Variants in NALF1 observed in about 807,000 individuals in gnomAD.
NALF1 encodes the protein family with sequence similarity 155 member A.
In NALF1, 3 loss-of-function variants were observed where a neutral mutation model predicts 48.4. The observed-to-expected ratio is 0.06, with a 90% confidence interval of 0.03 to 0.16. NALF1 has a LOEUF of 0.16. NALF1 is among the 10% of genes least tolerant of loss of function. The probability of loss-of-function intolerance (pLI) is 1.00; values close to 1 mark genes in which losing one functional copy is unlikely to be tolerated. For synonymous variants in NALF1, 262 were observed against 245.7 expected, an observed-to-expected ratio of 1.07 and a Z score of -0.62; for missense variants, 526 against 571.5, an observed-to-expected ratio of 0.92 and a Z score of 0.81.
intron 1 of NALF1, among the ~76,000 whole-genome samples, chr13:107,680,844 GT>G (rs1227676457): frequency 5.3e-4 from 80 of 150,586 alleles, no homozygotes; most frequent in South Asian, 3.7e-3. Context: ...GCATGAGAGT[GT>G]AAGAGTATGT....
intron 1 of NALF1, among the ~76,000 whole-genome samples, chr13:107,799,088 C>T (rs1409798056): frequency 6.6e-6 from 1 of 152,168 alleles, no homozygotes; most frequent in Non-Finnish European, 1.5e-5. Context: ...TTCCCCAAAG[C>T]CTCTGCCCTT....
intron 1 of NALF1, among the ~76,000 whole-genome samples, chr13:107,229,108 C>T (rs1436286910): frequency 6.6e-6 from 1 of 151,978 alleles, no homozygotes; most frequent in Non-Finnish European, 1.5e-5. Flanking sequence ...TAGCTTCCAG[C>T]GTAATAATAC....
Position 107,555,929 on chromosome 13 carries a change from C to T in NALF1, c.915+309753G>A, listed in dbSNP as rs562346028. On this transcript the variant is annotated intron_variant, in intron 1 of 2. Coordinates refer to ENST00000375915, the MANE Select transcript of NALF1 (RefSeq NM_001080396.3). ...AATATTGTTGAAATCAAACTAAGAGCCTTAATCTTAAGTAAGTAAAATAAC... is the reference window on the plus strand; with the variant it reads ...AATATTGTTGAAATCAAACTAAGAGTCTTAATCTTAAGTAAGTAAAATAAC... Among the ~76,000 whole-genome samples, 7 of 151,806 alleles carry T rather than the reference C, an allele frequency of 4.6e-5. No homozygotes were observed. In the East Asian group the frequency reaches 1.4e-3, roughly 29 times the overall value.
intron 1 of NALF1, among the ~76,000 whole-genome samples, chr13:107,415,337 T>C (rs185240032): frequency 6.6e-6 from 1 of 151,890 alleles, no homozygotes; most frequent in Non-Finnish European, 1.5e-5. Flanking sequence ...CACCTCAAAA[T>C]GCTCAGCATC....
chr13:107,782,528 T>G (rs895407226), intron 1 of NALF1, among the ~76,000 whole-genome samples: 5 of 148,006 alleles, frequency 3.4e-5, no homozygotes, highest in East Asian at 2.1e-4. Flanking sequence ...TTTGGGATGT[T>G]AGGAGCCCCT....
At chr13:107,788,617 A>C (rs1004363439) in intron 1 of NALF1, 8 of 152,204 alleles carry the variant, frequency 5.3e-5, no homozygotes, top group African/African-American at 1.9e-4. Context: ...CTTGGAATCT[A>C]CCGGCACATG....
chr13:107,782,923 G>A (rs1877947193), intron 1 of NALF1, among the ~76,000 whole-genome samples: 1 of 151,076 alleles, frequency 6.6e-6, no homozygotes, highest in Non-Finnish European at 1.5e-5. Flanking sequence ...GAGGGAGGTG[G>A]GGGTCACCCC....
chr13:107,818,764 C>T (rs1006968706), intron 1 of NALF1, among the ~76,000 whole-genome samples: 9 of 138,308 alleles, frequency 6.5e-5, no homozygotes, highest in Non-Finnish European at 1.1e-4. Flanking sequence ...CCCAGCTACT[C>T]GGGAGGCTGA....
chr13:107,589,525 T>A (rs192952568), intron 1 of NALF1, among the ~76,000 whole-genome samples: 39 of 152,180 alleles, frequency 2.6e-4, no homozygotes, highest in Middle Eastern at 6.8e-3. Context: ...CAGTTATCTG[T>A]GACTTGAGGG....
intron 1 of NALF1, among the ~76,000 whole-genome samples, chr13:107,782,664 C>G (rs1877931325): frequency 6.6e-6 from 1 of 151,772 alleles, no homozygotes; most frequent in South Asian, 2.1e-4. Flanking sequence ...CTCTGCCCGG[C>G]CGGCCATCGT....
intron 1 of NALF1, among the ~76,000 whole-genome samples, chr13:107,698,560 A>G (rs910813395): frequency 3.3e-5 from 5 of 152,094 alleles, no homozygotes; most frequent in Non-Finnish European, 7.4e-5. Context: ...TGTATATAGA[A>G]TATATATTTC....
chr13:107,785,080 G>A (rs1423499384), intron 1 of NALF1, among the ~76,000 whole-genome samples: 1 of 151,478 alleles, frequency 6.6e-6, no homozygotes. Flanking sequence ...GTGTGTGTAT[G>A]TATATATACA....
intron 1 of NALF1, among the ~76,000 whole-genome samples, chr13:107,785,748 T>C (rs1176226614): frequency 6.6e-6 from 1 of 152,140 alleles, no homozygotes; most frequent in African/African-American, 2.4e-5. Flanking sequence ...ATAATAATGG[T>C]TCCCCTTTAC....
Position 107,209,368 on chromosome 13 carries a change from G to T in NALF1, c.1087+1216C>A, listed in dbSNP as rs974662213. On this transcript the variant is annotated intron_variant, in intron 2 of 2. Transcript: ENST00000375915. ...CTAAAAATACAAAAATTAGCCAGGT[G>T]TGGTGGTGCACGCCTGTAATCTCAG... Among the ~76,000 whole-genome samples the T allele has an allele frequency of 1.3e-4, 20 of 152,062 alleles. No homozygotes were observed. In the East Asian group the frequency reaches 3.1e-3, roughly 24 times the overall value.
At chr13:107,328,273 TACACACACACACACACAC>T (rs34987619) in intron 1 of NALF1, among the ~76,000 whole-genome samples, 10 of 144,112 alleles carry the variant, frequency 6.9e-5, no homozygotes, top group African/African-American at 2.3e-4. Context: ...TCTCCTGCAA[TACACACACACACACACAC>T]ACACACACAC....
chr13:107,772,910 AAAT>A (rs1184158914), intron 1 of NALF1, among the ~76,000 whole-genome samples: 4 of 152,194 alleles, frequency 2.6e-5, no homozygotes, highest in African/African-American at 7.2e-5. Flanking sequence ...CCCCATTAAA[AAAT>A]AATGTTTAAA....
intron 1 of NALF1, among the ~76,000 whole-genome samples, chr13:107,370,117 T>C (rs9514670): frequency 0.56 from 85,183 of 151,996 alleles, 24,248 homozygotes; most frequent in East Asian, 0.74. Context: ...AAGTGCAAAT[T>C]TGTAAACTTG....
rs117957244 is a variant in NALF1, at chr13:107,519,997, G to A, written c.916-309242C>T. On this transcript the variant is annotated intron_variant, in intron 1 of 2. Coordinates refer to ENST00000375915, the MANE Select transcript of NALF1 (RefSeq NM_001080396.3). ...AATATGCTTTAAAAATTGGAATTGC[G>A]GAAGTAAAATGAATGCTGTAAGGAT... 3.6e-4 allele frequency among the ~76,000 whole-genome samples: 55 copies of A among 152,158 alleles called. 1 individual carries two copies. In the East Asian group the frequency reaches 9.9e-3, roughly 27 times the overall value.
At chr13:107,705,366 C>T (rs2138514618) in intron 1 of NALF1, among the ~76,000 whole-genome samples, 1 of 152,294 alleles carries the variant, frequency 6.6e-6, no homozygotes. Flanking sequence ...AAATGAAAAT[C>T]ATTTACTGCA....
Sources: gnomAD v4.1 joint callset for allele counts (sites outside exome capture counted in the v4.1 genomes callset) on GRCh38, gnomAD v4.1.1 for gene constraint, MANE v1.5 for transcripts, NCBI Gene and HGNC (gene_info 2026-07-23, HGNC 2026-07-21) for gene names.